MCF2L: variants seen among roughly 807,000 people sequenced by gnomAD.
The protein encoded by MCF2L is MCF.2 cell line derived transforming sequence like.
MCF2L carries 97 observed loss-of-function variants against 153.4 expected under a neutral mutation model. The observed-to-expected ratio is 0.63, with a 90% CI of 0.54 to 0.75. The LOEUF (loss-of-function observed/expected upper bound fraction) is 0.75. Ranked by LOEUF, MCF2L falls within the 30% of genes least tolerant of loss-of-function variation. The pLI is 0.00. For missense variants in MCF2L, 1,347 were observed against 1,495.2 expected, an observed-to-expected ratio of 0.90 and a Z score of 1.64; for synonymous variants, 659 against 632.2, an observed-to-expected ratio of 1.04 and a Z score of -0.64.
At position 112,932,984 on chromosome 13, in the gene MCF2L, T is replaced by C. The variant is rs1359344510; in HGVS notation, c.169+30613T>C. 6.6e-6 allele frequency among the ~76,000 whole-genome samples: 1 copy of C among 152,000 alleles called. No individual in the cohort carries two copies. The highest frequency in any genetic ancestry group is 1.5e-5 in the Non-Finnish European group (1 of 68,002). On this transcript the variant is annotated intron_variant, in intron 2 of 29. Coordinates refer to the MCF2L transcript ENST00000375608. The surrounding 1 kb of genome is among the most constrained non-coding windows in gnomAD (Gnocchi z 4.6). ...AGGTGGAGATTTTAGTGAGGCAAGA[T>C]TGTGCCACTGCCCCCCAACCTGGGT...
chr13:112,908,800 C>G (rs1417822122), intron 2 of MCF2L, among the ~76,000 whole-genome samples: 1 of 150,300 alleles, frequency 6.7e-6, no homozygotes, highest in Non-Finnish European at 1.5e-5. Context: ...CTGGCATGAT[C>G]TTGCATCCTC....
intron 1 of MCF2L, among the ~76,000 whole-genome samples, chr13:113,006,033 ACT>A (rs2141097272): frequency 6.6e-6 from 1 of 152,174 alleles, no homozygotes; most frequent in East Asian, 1.9e-4. Flanking sequence ...ATCTTCCGTG[ACT>A]CTGGGCAACT....
At position 112,935,258 on chromosome 13, in the gene MCF2L, T is replaced by C. The variant is rs1335713733; in HGVS notation, c.169+32887T>C. Among the ~76,000 whole-genome samples the C allele has an allele frequency of 2.6e-5, 4 of 152,184 alleles. No homozygotes were observed. The East Asian group carries it at 5.8e-4, about 22-fold the overall frequency. On this transcript the variant is annotated intron_variant, in intron 2 of 29. Coordinates refer to the MCF2L transcript ENST00000375608. ...AGTATTCAATAAATTACATGAGATA[T>C]TCCATACTTTTTTTTTGAGATGGAG...
At chr13:112,948,652 T>G (rs1434914338) in intron 2 of MCF2L, among the ~76,000 whole-genome samples, 1 of 152,040 alleles carries the variant, frequency 6.6e-6, no homozygotes, top group Non-Finnish European at 1.5e-5. Context: ...ATAGGAAAAG[T>G]CTCAAATCAA....
intron 4 of MCF2L, among the ~76,000 whole-genome samples, chr13:113,049,729 G>A (rs2087083905): frequency 6.6e-6 from 1 of 151,960 alleles, no homozygotes; most frequent in Non-Finnish European, 1.5e-5. Flanking sequence ...CCGTGGCAGA[G>A]ACTTGCCTCC....
intron 26 of MCF2L, among the ~76,000 whole-genome samples, chr13:113,092,867 G>A (rs564935372): frequency 6.6e-6 from 1 of 152,376 alleles, no homozygotes; most frequent in African/African-American, 2.4e-5. Flanking sequence ...CACGGCCAGG[G>A]CAGCTCAAGA....
At chr13:112,937,967 G>C in intron 2 of MCF2L, among the ~76,000 whole-genome samples, 1 of 5,336 alleles carries the variant, frequency 1.9e-4, no homozygotes. Flanking sequence ...GGTGATCTCT[G>C]AGTGGTTGGT....
chr13:113,045,711 A>C lies in MCF2L; in HGVS notation c.369+350A>C. ...ACATTAGTGATTTTCTCCTTTCCAA[A>C]TCGGGCCATCTATCTTTAGCTGTGA... On this transcript the variant is annotated intron_variant, in intron 4 of 29. Transcript: ENST00000535094. This position sits in a 1 kb window ranked among gnomAD's most constrained non-coding sequence, Gnocchi z 4.2. 1 of 284,190 alleles carries C rather than the reference A, an allele frequency of 3.5e-6. No individual in the cohort carries two copies. The highest frequency in any genetic ancestry group is 6.9e-6 in the Non-Finnish European group (1 of 145,926). The allele number at this position is 284,190 out of a possible 1,614,324, so 17.6% of individuals were successfully genotyped here. A position where few individuals can be genotyped will look rare whatever the true frequency, so the allele number is the denominator to read the frequency against.
chr13:113,060,846 G>T, intron 5 of MCF2L, 134 bp downstream of exon 5: 1 of 1,248,572 alleles, frequency 8.0e-7, no homozygotes, highest in Non-Finnish European at 1.1e-6. Context: ...AGGACCTGGC[G>T]GGAAGTTGCA....
At chr13:112,970,391 A>G (rs555644660) in intron 1 of MCF2L, among the ~76,000 whole-genome samples, 2 of 152,286 alleles carry the variant, frequency 1.3e-5, no homozygotes, top group African/African-American at 4.8e-5. Context: ...GCACCATCGT[A>G]TGGGATGGTC....
intron 4 of MCF2L, among the ~76,000 whole-genome samples, chr13:113,059,907 T>A (rs2141751591): frequency 6.6e-6 from 1 of 152,392 alleles, no homozygotes; most frequent in Middle Eastern, 3.4e-3. Flanking sequence ...GTTGCTTTTA[T>A]AAAATTTGAC....
chr13:113,098,926 G>A lies in MCF2L; in HGVS notation c.*2067G>A, dbSNP rs939250518. 1 of 152,326 alleles carries A rather than the reference G, an allele frequency of 6.6e-6. No individual in the cohort carries two copies. The highest frequency in any genetic ancestry group is 1.5e-5 in the Non-Finnish European group (1 of 68,092). 9.4% of individuals were successfully genotyped at this position (152,326 alleles called of 1,614,324 possible). A position where few individuals can be genotyped will look rare whatever the true frequency, so the allele number is the denominator to read the frequency against. ...AAGCATGGTTAACAGGAAACAACAT[G>A]TAACGGAAGAGACAGCCCAGATGTG... On this transcript the variant is annotated 3_prime_UTR_variant, in exon 30 of 30. Coordinates refer to ENST00000535094, the MANE Select transcript of MCF2L (RefSeq NM_001112732.3).
intron 2 of MCF2L, among the ~76,000 whole-genome samples, chr13:112,920,301 G>T (rs1296010313): frequency 6.6e-6 from 1 of 152,150 alleles, no homozygotes; most frequent in East Asian, 1.9e-4. Context: ...TTTGTAGTTG[G>T]TGCAAAATGC....
rs77577996 is a variant in MCF2L, at chr13:112,929,316, C to T, written c.169+26945C>T. On this transcript the variant is annotated intron_variant, in intron 2 of 29. Transcript: ENST00000375608. ...TGTCCTTAATGTGAATCTCTTTCCC[C>T]GATTCCTGCGCGGCTGCAGCAACGC... Among the ~76,000 whole-genome samples, 950 of 152,310 alleles carry T rather than the reference C, an allele frequency of 6.2e-3. 11 individuals carry two copies. Among genetic ancestry groups the T allele is most frequent in the African/African-American group, 0.021 (863 of 41,558 alleles).
intron 1 of MCF2L, among the ~76,000 whole-genome samples, chr13:112,999,465 T>C (rs567619264): frequency 1.3e-5 from 2 of 152,226 alleles, no homozygotes; most frequent in African/African-American, 4.8e-5. Flanking sequence ...GAGGCCCTTC[T>C]GTGAGAGCCT....
intron 2 of MCF2L, among the ~76,000 whole-genome samples, chr13:112,948,427 C>T (rs2081658965): frequency 6.6e-6 from 1 of 152,190 alleles, no homozygotes; most frequent in South Asian, 2.1e-4. Flanking sequence ...ATTCTGAATA[C>T]TTTGCTGCTT....
chr13:113,034,432 C>T (rs118021693), intron 3 of MCF2L, among the ~76,000 whole-genome samples: 8 of 152,174 alleles, frequency 5.3e-5, no homozygotes, highest in South Asian at 2.1e-4. Context: ...CCACCATGCC[C>T]GGCCAGGCAG....
chr13:113,095,364 CAG>C (rs2035558739), intron 27 of MCF2L: 1 of 1,141,090 alleles, frequency 8.8e-7, no homozygotes, highest in African/African-American at 1.6e-5. Context: ...GCCTCTCCCA[CAG>C]AGACAGCATG....
chr13:113,095,099 T>C, intron 27 of MCF2L: 8 of 1,354,872 alleles, frequency 5.9e-6, no homozygotes, highest in African/African-American at 3.0e-5. Context: ...ACAATTCTCA[T>C]TTTGTAAGAA....
Sources: gnomAD v4.1 joint callset for allele counts (sites outside exome capture counted in the v4.1 genomes callset) on GRCh38, gnomAD v4.1.1 for gene constraint, Gnocchi (gnomAD v3.1) non-coding constraint, MANE v1.5 for transcripts, NCBI Gene and HGNC (gene_info 2026-07-23, HGNC 2026-07-21) for gene names.